The following KCNIP2 variants were observed in gnomAD, a reference collection of about 807,000 sequenced individuals.
The protein encoded by KCNIP2 is potassium voltage-gated channel interacting protein 2.
KCNIP2 carries 19 observed loss-of-function variants against 39.0 expected under a neutral mutation model. The observed-to-expected ratio is 0.49, with a 90% CI of 0.34 to 0.71. The LOEUF (loss-of-function observed/expected upper bound fraction) is 0.71. Ranked by LOEUF, KCNIP2 falls within the 30% of genes least tolerant of loss-of-function variation. The pLI, the probability that KCNIP2 is intolerant of heterozygous loss-of-function variation, is 0.01. For synonymous variants in KCNIP2, 111 were observed against 131.2 expected, an observed-to-expected ratio of 0.85 and a Z score of 1.05; for missense variants, 261 against 346.0, an observed-to-expected ratio of 0.75 and a Z score of 1.95.
intron 9 of KCNIP2, 71 bp from the exon 10 acceptor site, chr10:101,827,471 G>T (rs2065779467): frequency 6.7e-7 from 1 of 1,491,362 alleles, no homozygotes; most frequent in Non-Finnish European, 9.3e-7. Flanking sequence ...GACAGTGAGA[G>T]GGACACTGAG....
At chr10:101,837,205 C>T (rs1307072476) in intron 1 of KCNIP2, among the ~76,000 whole-genome samples, 1 of 152,068 alleles carries the variant, frequency 6.6e-6, no homozygotes, top group Non-Finnish European at 1.5e-5. Flanking sequence ...CATAATAAAC[C>T]TGAGAGGTAG....
intron 3 of KCNIP2, 46 bp from the exon 4 acceptor site, chr10:101,829,245 G>A: frequency 1.3e-6 from 2 of 1,568,160 alleles, no homozygotes; most frequent in Non-Finnish European, 8.6e-7. Context: ...CAGCCTCCGC[G>A]ACCCCTCTTC....
At chr10:101,842,711 TGAA>T (rs2066368370) in intron 1 of KCNIP2, among the ~76,000 whole-genome samples, 1 of 151,974 alleles carries the variant, frequency 6.6e-6, no homozygotes, top group South Asian at 2.1e-4. Context: ...GAAAAATTGG[TGAA>T]GGAGTGGGGT....
At chr10:101,836,270 TTC>T (rs1491320496) in intron 1 of KCNIP2, among the ~76,000 whole-genome samples, 8 of 149,586 alleles carry the variant, frequency 5.3e-5, no homozygotes, top group Non-Finnish European at 1.0e-4. Flanking sequence ...AGGCTTTTTT[TTC>T]TCTTTTTTTT....
chr10:101,842,338 G>A (rs2135218531), intron 1 of KCNIP2, among the ~76,000 whole-genome samples: 1 of 152,334 alleles, frequency 6.6e-6, no homozygotes, highest in Non-Finnish European at 1.5e-5. Context: ...AGATGTACTG[G>A]CCTCACATAC....
rs187864183 is a variant in KCNIP2, at chr10:101,827,847, C to A, written c.702+42G>T. Reference sequence around the variant, plus strand: ...TTCCCTGCTGGTTCTTGGCCTTCTTCCCTTCACTCCAGGGCCCTCCAGCCT... The same window carrying A: ...TTCCCTGCTGGTTCTTGGCCTTCTTACCTTCACTCCAGGGCCCTCCAGCCT... On this transcript the variant is annotated intron_variant, in intron 8 of 9. Coordinates refer to ENST00000356640, the MANE Select transcript of KCNIP2 (RefSeq NM_173191.3). 5.8e-5 allele frequency: 91 copies of A among 1,565,384 alleles called. No homozygotes were observed. In the African/African-American group the frequency reaches 1.1e-3, roughly 18 times the overall value.
At position 101,827,172 on chromosome 10, in the gene KCNIP2, C is replaced by T. The variant is rs564513431; in HGVS notation, c.*181G>A. On this transcript the variant is annotated 3_prime_UTR_variant, in exon 10 of 10. Transcript: ENST00000356640. ...GGAACACCCCCCGAGATGCACTCTG[C>T]CCACTCTCTGGCCCCTTCAGCTCCA... 6 of 1,314,674 alleles carry T rather than the reference C, an allele frequency of 4.6e-6. No individual in the cohort carries two copies. In the East Asian group the frequency reaches 1.6e-4, roughly 35 times the overall value. 81.4% of individuals were successfully genotyped at this position (1,314,674 alleles called of 1,614,324 possible).
At chr10:101,829,974 G>T (rs1305953338) in intron 2 of KCNIP2, 77 bp from the exon 3 acceptor site, 1 of 1,505,354 alleles carries the variant, frequency 6.6e-7, no homozygotes, top group South Asian at 1.2e-5. Context: ...CTCACACTCA[G>T]AGCAAACCTC....
chr10:101,834,719 G>A (rs1034335854), intron 1 of KCNIP2, among the ~76,000 whole-genome samples: 3 of 152,212 alleles, frequency 2.0e-5, no homozygotes, highest in Non-Finnish European at 1.5e-5. Context: ...GTGCCAAAGG[G>A]AAGGGGCAGA....
intron 2 of KCNIP2, among the ~76,000 whole-genome samples, chr10:101,830,837 CCA>C (rs1302813268): frequency 8.7e-5 from 13 of 148,696 alleles, no homozygotes; most frequent in African/African-American, 2.5e-4. Flanking sequence ...GCACGCCCCC[CCA>C]CACACACACG....
At chr10:101,830,433 CCA>C (rs1204997427) in intron 2 of KCNIP2, 20 of 1,294,464 alleles carry the variant, frequency 1.5e-5, no homozygotes, top group Non-Finnish European at 2.0e-5. Context: ...CCCAGCTAAG[CCA>C]CATACAGACC....
rs760967837 is a variant in KCNIP2 at position 101,828,211 on chromosome 10, G to A, written c.537C>T (p.Asp179=). 2 of 1,614,132 alleles carry A rather than the reference G, an allele frequency of 1.2e-6. No individual in the cohort carries two copies. Among genetic ancestry groups the A allele is most frequent in the Non-Finnish European group, 1.7e-6 (2 of 1,180,032 alleles). ...LSVILRGTVD[D]RLNWAFNLYD... ...ACAGGTTGAAGGCCCAATTAAGCCT[G>A]TCATCTACAGTTCCCCGAAGAATCA... is the stretch of plus-strand genomic sequence containing the variant. Residue 179 remains aspartate, a synonymous_variant, in exon 7 of 10, where the codon GAC becomes GAT. Transcript: ENST00000356640. The surrounding 1 kb of genome is among the most constrained non-coding windows in gnomAD (Gnocchi z 6.6).
chr10:101,827,513 A>C, intron 9 of KCNIP2, 113 bp from the exon 10 acceptor site: 1 of 1,343,426 alleles, frequency 7.4e-7, no homozygotes, highest in Non-Finnish European at 1.1e-6. Flanking sequence ...AGCACAGAGG[A>C]AGGAGATGCC....
chr10:101,827,824 C>A, intron 8 of KCNIP2, 65 bp downstream of exon 8: 1 of 1,540,816 alleles, frequency 6.5e-7, no homozygotes, highest in Non-Finnish European at 9.0e-7. Flanking sequence ...CAGGTGAGTT[C>A]CCTGCTGGTT....
intron 3 of KCNIP2, chr10:101,829,568 G>T: frequency 2.1e-6 from 1 of 478,306 alleles, no homozygotes; most frequent in Non-Finnish European, 3.7e-6. Context: ...CCGGGCCTTC[G>T]GGGACCAACT....
Position 101,843,185 on chromosome 10 carries a change from GCACACA to G in KCNIP2, c.73+305_73+310del, listed in dbSNP as rs149732734. ...GCAACCAGCTGTGGGAGGTGCGCGCGCACACACACACACACACACAGAATGACAGGT... is the reference window on the plus strand; with the variant it reads ...GCAACCAGCTGTGGGAGGTGCGCGCGCACACACACACACAGAATGACAGGT... On this transcript the variant is annotated intron_variant, in intron 1 of 9. Transcript: ENST00000356640. This position sits in a 1 kb window ranked among gnomAD's most constrained non-coding sequence, Gnocchi z 6.7. Among the ~76,000 whole-genome samples, 5 of 150,212 alleles carry G rather than the reference GCACACA, an allele frequency of 3.3e-5. No homozygotes were observed. The highest frequency in any genetic ancestry group is 6.6e-5 in the Admixed American group (1 of 15,102).
At position 101,828,761 on chromosome 10, in the gene KCNIP2, C is replaced by T; in HGVS notation, c.349-65G>A. The T allele has an allele frequency of 6.2e-7, 1 of 1,613,258 alleles. No homozygotes were observed. The highest frequency in any genetic ancestry group is 2.2e-5 in the East Asian group (1 of 44,868). ...TCCCCTTCCGTTCACCGCCCCCACC[C>T]TCCATGGCCCAAGACTCCCAGGGAG... On this transcript the variant is annotated intron_variant, in intron 4 of 9. Transcript: ENST00000356640. This position sits in a 1 kb window ranked among gnomAD's most constrained non-coding sequence, Gnocchi z 6.6.
intron 2 of KCNIP2, chr10:101,830,388 G>C (rs1482864878): frequency 7.8e-7 from 1 of 1,283,162 alleles, no homozygotes; most frequent in Admixed American, 2.5e-5. Flanking sequence ...AACACGGTGG[G>C]GAAGGGGGCG....
chr10:101,839,858 G>C (rs1322399601), intron 1 of KCNIP2: 6 of 1,585,542 alleles, frequency 3.8e-6, no homozygotes, highest in Non-Finnish European at 5.1e-6. Flanking sequence ...CGGCGAGCTC[G>C]GCGTCTAAGC....
Sources: allele counts gnomAD v4.1 joint callset (sites outside exome capture counted in the v4.1 genomes callset), GRCh38; gene constraint gnomAD v4.1.1; non-coding constraint Gnocchi (gnomAD v3.1); transcripts MANE v1.5; gene names NCBI Gene and HGNC (gene_info 2026-07-23, HGNC 2026-07-21).